TAFA1: variants seen among roughly 807,000 people sequenced by gnomAD.
The protein encoded by TAFA1 is TAFA chemokine like family member 1.
TAFA1 carries 4 observed loss-of-function variants against 18.5 expected under a neutral mutation model. That is an observed-to-expected ratio of 0.22 (90% CI 0.11 to 0.49). TAFA1 has a LOEUF of 0.49. Ranked by LOEUF, TAFA1 falls within the 20% of genes least tolerant of loss-of-function variation. TAFA1 has a pLI of 0.98. For synonymous variants in TAFA1, 56 were observed against 55.2 expected, an observed-to-expected ratio of 1.01 and a Z score of -0.06; for missense variants, 147 against 169.0, an observed-to-expected ratio of 0.87 and a Z score of 0.72.
At chr3:68,077,669 T>G (rs1372844583) in intron 2 of TAFA1, among the ~76,000 whole-genome samples, 1 of 152,102 alleles carries the variant, frequency 6.6e-6, no homozygotes, top group African/African-American at 2.4e-5. Flanking sequence ...TTGATCTATA[T>G]CTCTATTTTG....
intron 2 of TAFA1, among the ~76,000 whole-genome samples, chr3:68,061,472 G>A (rs1335903958): frequency 1.3e-5 from 2 of 152,104 alleles, no homozygotes; most frequent in Non-Finnish European, 2.9e-5. Context: ...AGGCATAGTG[G>A]GAATCAGTGC....
intron 2 of TAFA1, among the ~76,000 whole-genome samples, chr3:68,387,511 G>C (rs765686140): frequency 6.6e-6 from 1 of 152,114 alleles, no homozygotes; most frequent in African/African-American, 2.4e-5. Flanking sequence ...ACAGAGGATT[G>C]TGGTATGAGT....
At chr3:68,113,572 G>A (rs1356202341) in intron 2 of TAFA1, among the ~76,000 whole-genome samples, 2 of 152,132 alleles carry the variant, frequency 1.3e-5, no homozygotes, top group Non-Finnish European at 2.9e-5. Flanking sequence ...ATTAAAACCT[G>A]TCTTCATTAA....
intron 2 of TAFA1, among the ~76,000 whole-genome samples, chr3:68,316,399 T>G (rs2068605799): frequency 6.6e-6 from 1 of 152,188 alleles, no homozygotes; most frequent in African/African-American, 2.4e-5. Context: ...ATAGAAGTAA[T>G]TCTTAACCAA....
At chr3:68,368,111 C>T (rs1184647572) in intron 2 of TAFA1, among the ~76,000 whole-genome samples, 1 of 152,072 alleles carries the variant, frequency 6.6e-6, no homozygotes, top group Non-Finnish European at 1.5e-5. Context: ...CAGTTAATTG[C>T]CTGAAATTTT....
intron 2 of TAFA1, among the ~76,000 whole-genome samples, chr3:68,305,255 A>T (rs1177675700): frequency 6.6e-6 from 1 of 150,442 alleles, no homozygotes; most frequent in Admixed American, 6.6e-5. Context: ...TTTTCTTGTT[A>T]CATAGCCACC....
chr3:68,328,436 TAC>T (rs1559619203), intron 2 of TAFA1, among the ~76,000 whole-genome samples: 1 of 152,236 alleles, frequency 6.6e-6, no homozygotes, highest in Non-Finnish European at 1.5e-5. Flanking sequence ...AAGTAGTTAT[TAC>T]ACAGTTTTGA....
intron 3 of TAFA1, among the ~76,000 whole-genome samples, chr3:68,443,282 C>T (rs1176170080): frequency 1.3e-5 from 2 of 151,954 alleles, no homozygotes; most frequent in Non-Finnish European, 2.9e-5. Context: ...ACCTTTTTCC[C>T]TCACTATTCT....
intron 3 of TAFA1, among the ~76,000 whole-genome samples, chr3:68,487,751 CAA>C (rs35345325): frequency 1.5e-4 from 10 of 66,828 alleles, no homozygotes; most frequent in Non-Finnish European, 1.7e-4. Flanking sequence ...AACTCTGTCT[CAA>C]AAAAAAAAAA....
chr3:68,328,440 C>T (rs1033202601), intron 2 of TAFA1, among the ~76,000 whole-genome samples: 1 of 152,178 alleles, frequency 6.6e-6, no homozygotes. Context: ...AGTTATTACA[C>T]AGTTTTGAAG....
intron 3 of TAFA1, among the ~76,000 whole-genome samples, chr3:68,426,711 A>G (rs898205489): frequency 8.6e-5 from 13 of 151,940 alleles, no homozygotes; most frequent in African/African-American, 2.9e-4. Flanking sequence ...GGGGTTCACC[A>G]ACAAAGAAGA....
intron 2 of TAFA1, among the ~76,000 whole-genome samples, chr3:68,265,715 C>T (rs772308347): frequency 2.0e-5 from 3 of 152,102 alleles, no homozygotes; most frequent in East Asian, 3.9e-4. Context: ...ACAGAACTGG[C>T]GCAAGATACT....
At chr3:68,501,493 ATACT>A (rs1416309558) in intron 3 of TAFA1, among the ~76,000 whole-genome samples, 2 of 152,224 alleles carry the variant, frequency 1.3e-5, no homozygotes, top group African/African-American at 4.8e-5. Context: ...TACTTATAAA[ATACT>A]TACTTAACTC....
At chr3:68,119,313 A>G (rs2065360290) in intron 2 of TAFA1, among the ~76,000 whole-genome samples, 1 of 151,954 alleles carries the variant, frequency 6.6e-6, no homozygotes. Flanking sequence ...ATTTACAAAT[A>G]TTTTCTCTCA....
chr3:68,384,448 A>G (rs375387143), intron 2 of TAFA1, among the ~76,000 whole-genome samples: 2 of 152,170 alleles, frequency 1.3e-5, no homozygotes, highest in East Asian at 3.9e-4. Context: ...AGAGCAGGTT[A>G]TTCAATGTAA....
chr3:68,538,528 C>T (rs2073313179), intron 3 of TAFA1, among the ~76,000 whole-genome samples: 1 of 152,066 alleles, frequency 6.6e-6, no homozygotes, highest in African/African-American at 2.4e-5. Context: ...AGTCTCAATC[C>T]CCAACAAAAA....
chr3:68,370,299 AAAAAAAAAAAAAAAAAAAAAAAATATAT>A (rs2069657567), intron 2 of TAFA1, among the ~76,000 whole-genome samples: 1 of 48,794 alleles, frequency 2.0e-5, no homozygotes, highest in South Asian at 9.2e-4. Flanking sequence ...AAAAAAAAAA[AAAAAAAAAAAAAAAAAAAAAAAATATAT>A]ATATATATAT....
chr3:68,452,860 G>GA (rs1459112825), intron 3 of TAFA1, among the ~76,000 whole-genome samples: 4 of 152,178 alleles, frequency 2.6e-5, no homozygotes, highest in Non-Finnish European at 5.9e-5. Context: ...CATTTTTACT[G>GA]AAAGTACCCC....
chr3:68,365,861 G>A (rs959935232), intron 2 of TAFA1, among the ~76,000 whole-genome samples: 6 of 152,194 alleles, frequency 3.9e-5, no homozygotes, highest in African/African-American at 1.4e-4. Flanking sequence ...GCCAAGGCGG[G>A]CGGATCACAA....
Sources: allele counts gnomAD v4.1 joint callset (sites outside exome capture counted in the v4.1 genomes callset), GRCh38; gene constraint gnomAD v4.1.1; transcripts MANE v1.5; gene names NCBI Gene and HGNC (gene_info 2026-07-23, HGNC 2026-07-21).